The following DGKB variants were observed in gnomAD, a reference collection of about 807,000 sequenced individuals.
DGKB encodes 90 kDa diacylglycerol kinase.
DGKB carries 67 observed loss-of-function variants against 114.3 expected under a neutral mutation model. That is an observed-to-expected ratio of 0.59 (90% CI 0.48 to 0.72). DGKB has a LOEUF of 0.72. Among genes scored for constraint, DGKB ranks in the 30% least tolerant of loss-of-function variants. DGKB has a pLI of 0.00. For missense variants in DGKB, 907 were observed against 975.2 expected, an observed-to-expected ratio of 0.93 and a Z score of 0.93; for synonymous variants, 398 against 323.1, an observed-to-expected ratio of 1.23 and a Z score of -2.49.
At chr7:14,701,540 T>C in intron 7 of DGKB, 141 bp downstream of exon 7, 1 of 622,614 alleles carries the variant, frequency 1.6e-6, no homozygotes, top group South Asian at 2.1e-5. Context: ...TCGCAAAAAG[T>C]CAAAAAGATA....
intron 13 of DGKB, among the ~76,000 whole-genome samples, chr7:14,645,190 A>G (rs1221875388): frequency 6.6e-6 from 1 of 152,110 alleles, no homozygotes; most frequent in Non-Finnish European, 1.5e-5. Context: ...ACAAATGGCT[A>G]CCTGTTTAGG....
intron 2 of DGKB, among the ~76,000 whole-genome samples, chr7:14,828,738 C>T (rs895910151): frequency 2.0e-5 from 3 of 152,116 alleles, no homozygotes; most frequent in African/African-American, 7.2e-5. Flanking sequence ...TCTGCATTAA[C>T]AGATGAAGAC....
At chr7:14,655,025 C>G (rs924145104) in intron 13 of DGKB, among the ~76,000 whole-genome samples, 1 of 151,720 alleles carries the variant, frequency 6.6e-6, no homozygotes, top group Non-Finnish European at 1.5e-5. Context: ...GAAAAATGGA[C>G]AAACAAGACT....
At chr7:14,676,932 T>C (rs890937213) in intron 12 of DGKB, among the ~76,000 whole-genome samples, 1 of 151,964 alleles carries the variant, frequency 6.6e-6, no homozygotes, top group African/African-American at 2.4e-5. Flanking sequence ...TAGAAATCCT[T>C]AGCTCATTTT....
chr7:14,650,864 AAC>A (rs1814304070), intron 13 of DGKB, among the ~76,000 whole-genome samples: 1 of 151,728 alleles, frequency 6.6e-6, no homozygotes, highest in Admixed American at 6.6e-5. Flanking sequence ...GAATAATACA[AAC>A]ACCTCTACGC....
In DGKB at chr7:14,718,655, G is replaced by A. The variant is rs1828628241; in HGVS notation, c.353C>T (p.Pro118Leu). The A allele has an allele frequency of 6.2e-7, 1 of 1,611,368 alleles. No individual in the cohort carries two copies. Among genetic ancestry groups the A allele is most frequent in the South Asian group, 1.1e-5 (1 of 90,778 alleles). ...ATTTGCAGGAGAAGTAGTCCGGGGA[G>A]GGGTGATGGCACCTTTATTCATTCT... The part of the protein sequence containing the change: ...GLRMNKGAIT[P>L]PRTTSPANTC... Residue 118 changes from proline (P) to leucine (L), a missense_variant, in exon 6 of 26, where the codon CCT becomes CTT. By Grantham distance (98) the Pro-to-Leu change is moderately conservative (BLOSUM62 -3). Transcript: ENST00000402815.
At chr7:14,285,111 G>C (rs1800666820) in intron 23 of DGKB, among the ~76,000 whole-genome samples, 1 of 152,074 alleles carries the variant, frequency 6.6e-6, no homozygotes, top group Admixed American at 6.6e-5. Flanking sequence ...TGCATCCTTA[G>C]AGACCATTAT....
intron 20 of DGKB, among the ~76,000 whole-genome samples, chr7:14,479,409 C>T (rs530916664): frequency 1.3e-5 from 2 of 152,008 alleles, no homozygotes; most frequent in Non-Finnish European, 2.9e-5. Context: ...TCTGTATAAA[C>T]ATTTGATACC....
intron 9 of DGKB, among the ~76,000 whole-genome samples, chr7:14,685,939 T>C (rs1821604843): frequency 6.6e-6 from 1 of 152,176 alleles, no homozygotes; most frequent in African/African-American, 2.4e-5. Flanking sequence ...TATATTCCAA[T>C]TTATATTAAT....
At chr7:14,920,861 T>G (rs1465671453) in intron 1 of DGKB, among the ~76,000 whole-genome samples, 1 of 134,666 alleles carries the variant, frequency 7.4e-6, no homozygotes, top group Non-Finnish European at 1.5e-5. Flanking sequence ...TAAATAAACT[T>G]ACATGTATTT....
chr7:14,667,226 T>C (rs547257109), intron 13 of DGKB, among the ~76,000 whole-genome samples: 51 of 152,092 alleles, frequency 3.4e-4, no homozygotes, highest in Non-Finnish European at 6.2e-4. Context: ...GTACAAATTT[T>C]TTTTAATGAC....
At chr7:14,498,633 T>C (rs1785656709) in intron 20 of DGKB, among the ~76,000 whole-genome samples, 1 of 151,908 alleles carries the variant, frequency 6.6e-6, no homozygotes, top group Admixed American at 6.6e-5. Context: ...GTTGATTTTT[T>C]TGCCTTGAAG....
chr7:14,518,457 C>G (rs1022710285), intron 20 of DGKB, among the ~76,000 whole-genome samples: 3 of 151,790 alleles, frequency 2.0e-5, no homozygotes, highest in Non-Finnish European at 4.4e-5. Flanking sequence ...CCCATGTACC[C>G]CTGAACCTAA....
intron 21 of DGKB, among the ~76,000 whole-genome samples, chr7:14,377,939 C>G (rs1227847739): frequency 6.6e-6 from 1 of 152,174 alleles, no homozygotes. Context: ...TTGATAATGT[C>G]CTAAAACTTC....
Position 14,753,955 on chromosome 7 carries a change from A to C in DGKB, c.148-7T>G. The C allele has an allele frequency of 6.6e-7, 1 of 1,512,816 alleles. No homozygotes were observed. Among genetic ancestry groups the C allele is most frequent in the Non-Finnish European group, 9.1e-7 (1 of 1,104,620 alleles). The allele number at this position is 1,512,816 out of a possible 1,614,324, so 93.7% of individuals were successfully genotyped here. On this transcript the variant is annotated splice_polypyrimidine_tract_variant and splice_region_variant and intron_variant, in intron 3 of 25. Coordinates refer to ENST00000402815, the MANE Select transcript of DGKB (RefSeq NM_001350709.2). ...GGTTAAGAATGTCTTGTTTCTGTGC[A>C]TGCAAGGAAAGAAAGAATACATGTG... is the stretch of plus-strand genomic sequence containing the variant.
intron 2 of DGKB, among the ~76,000 whole-genome samples, chr7:14,834,359 TG>T (rs1207983551): frequency 6.6e-6 from 1 of 152,182 alleles, no homozygotes; most frequent in East Asian, 1.9e-4. Context: ...CCTGTGATAA[TG>T]GCCAAATTAG....
chr7:14,258,680 C>A (rs981908564), intron 23 of DGKB, among the ~76,000 whole-genome samples: 1 of 152,160 alleles, frequency 6.6e-6, no homozygotes, highest in Admixed American at 6.5e-5. Flanking sequence ...TGGAAATACG[C>A]ATAAGCACAA....
chr7:14,316,051 T>C (rs1156682390), intron 23 of DGKB, among the ~76,000 whole-genome samples: 1 of 150,136 alleles, frequency 6.7e-6, no homozygotes, highest in Non-Finnish European at 1.5e-5. Flanking sequence ...CATAACGAAA[T>C]GAAGGCAGAA....
At chr7:14,264,318 G>A (rs901187086) in intron 23 of DGKB, among the ~76,000 whole-genome samples, 3 of 152,104 alleles carry the variant, frequency 2.0e-5, no homozygotes, top group Non-Finnish European at 2.9e-5. Flanking sequence ...CAAACCACAC[G>A]CTTTCAGGTT....
Sources: allele counts gnomAD v4.1 joint callset (sites outside exome capture counted in the v4.1 genomes callset), GRCh38; gene constraint gnomAD v4.1.1; transcripts MANE v1.5; gene names NCBI Gene and HGNC (gene_info 2026-07-23, HGNC 2026-07-21).